Variants in ZC3H13 observed in about 807,000 individuals in gnomAD.
ZC3H13 encodes zinc finger CCCH-type containing 13.
A neutral mutation model predicts 204.1 loss-of-function variants in ZC3H13; 64 were observed. The ratio of observed to expected loss-of-function variants is 0.31; its 90% CI spans 0.26 to 0.39. ZC3H13 has a LOEUF of 0.39. Among genes scored for constraint, ZC3H13 ranks in the 10% least tolerant of loss-of-function variants. The probability of loss-of-function intolerance (pLI) is 1.00; values close to 1 mark genes in which losing one functional copy is unlikely to be tolerated. For missense variants in ZC3H13, 1,833 were observed against 2,082.7 expected, an observed-to-expected ratio of 0.88 and a Z score of 2.33; for synonymous variants, 667 against 693.7, an observed-to-expected ratio of 0.96 and a Z score of 0.60.
rs1459727068 is a variant in ZC3H13 at position 45,985,758 on chromosome 13, G to A, written c.1259C>T (p.Thr420Ile). The change falls in exon 10 of 19, where the codon ACT becomes ATT. Residue 420 changes from threonine (T) to isoleucine (I), a missense_variant. By Grantham distance (89) the Thr-to-Ile change is moderately conservative. This residue lies in a region of ZC3H13 where 1,574 missense variants were observed against 1,757.2 expected (regional missense o/e 0.90). Coordinates refer to ENST00000679008, the MANE Select transcript of ZC3H13 (RefSeq NM_001330564.2). ...HDRRHERRED[T>I]RGKRDREKDS... ...CTTTTCTCTGTCTCGTTTGCCCCTAGTATCTGTAATGCAATTTTGGAAATT... is the reference window on the plus strand; with the variant it reads ...CTTTTCTCTGTCTCGTTTGCCCCTAATATCTGTAATGCAATTTTGGAAATT... The A allele has an allele frequency of 3.8e-6, 6 of 1,591,666 alleles. No individual in the cohort carries two copies. The East Asian group carries it at 1.1e-4, about 30-fold the overall frequency.
At chr13:46,006,713 C>CATATATATATATATATATATATAT (rs71184435) in intron 7 of ZC3H13, among the ~76,000 whole-genome samples, 5,189 of 63,548 alleles carry the variant, frequency 0.082, 1,127 homozygotes, top group Non-Finnish European at 0.1. Context: ...AGTTCTTAGC[C>CATATATATATATATATATATATAT]ATATATATAT....
In ZC3H13 at chr13:45,980,017, T is replaced by G; in HGVS notation, c.1721-13A>C. 3 of 1,581,918 alleles carry G rather than the reference T, an allele frequency of 1.9e-6. No homozygotes were observed. Among genetic ancestry groups the G allele is most frequent in the Non-Finnish European group, 2.6e-6 (3 of 1,167,998 alleles). On this transcript the variant is annotated splice_polypyrimidine_tract_variant and intron_variant, in intron 10 of 18. Transcript: ENST00000679008. Reference sequence around the variant, plus strand: ...GAGCCTCGACTTCCTAAACAAAGGATAGACACACAAATGTTTACCACATAC... The same window carrying G: ...GAGCCTCGACTTCCTAAACAAAGGAGAGACACACAAATGTTTACCACATAC...
chr13:45,961,583 G>A (rs1951691719), intron 17 of ZC3H13, among the ~76,000 whole-genome samples: 1 of 137,938 alleles, frequency 7.2e-6, no homozygotes, highest in Admixed American at 7.3e-5. Context: ...TGTGGGGGTG[G>A]GGAGTTGGGG....
chr13:46,030,713 GA>G (rs373537237), intron 4 of ZC3H13, among the ~76,000 whole-genome samples: 1 of 151,926 alleles, frequency 6.6e-6, no homozygotes, highest in African/African-American at 2.4e-5. Context: ...CATCAGTATA[GA>G]AAAAAATGAA....
chr13:45,961,006 AAACACTGG>A (rs1344306078), intron 17 of ZC3H13, among the ~76,000 whole-genome samples: 1 of 152,224 alleles, frequency 6.6e-6, no homozygotes, highest in Non-Finnish European at 1.5e-5. Flanking sequence ...ACTAGTTCTC[AAACACTGG>A]AGTCTATCAG....
intron 4 of ZC3H13, among the ~76,000 whole-genome samples, chr13:46,021,063 C>A (rs1160058279): frequency 1.3e-5 from 2 of 151,922 alleles, no homozygotes; most frequent in Admixed American, 6.6e-5. Flanking sequence ...AATAACTGAT[C>A]TAGGACTTGT....
chr13:46,041,223 T>C (rs1474295353), intron 4 of ZC3H13, among the ~76,000 whole-genome samples: 2 of 152,118 alleles, frequency 1.3e-5, no homozygotes, highest in Non-Finnish European at 2.9e-5. Flanking sequence ...ATATTATCAA[T>C]ACAATGTAAT....
chr13:46,047,983 G>GCCCCCAACATCTCTACTA (rs1299936029), intron 1 of ZC3H13, among the ~76,000 whole-genome samples: 3 of 151,856 alleles, frequency 2.0e-5, no homozygotes, highest in Admixed American at 1.3e-4. Flanking sequence ...AGTTAGTTCT[G>GCCCCCAACATCTCTACTA]CCCCCAACAT....
Position 46,035,922 on chromosome 13 carries a change from T to C in ZC3H13, c.339+6242A>G, listed in dbSNP as rs78080519. Among the ~76,000 whole-genome samples, 1,299 of 152,254 alleles carry C rather than the reference T, an allele frequency of 8.5e-3. 18 individuals are homozygous for C. Among genetic ancestry groups the C allele is most frequent in the African/African-American group, 0.029 (1,219 of 41,552 alleles). ...GCTAATTCTAACAGCTACAGTATTA[T>C]CCCTTCCTCTAGAGTCAGTGCCATT... On this transcript the variant is annotated intron_variant, in intron 4 of 18. Transcript: ENST00000679008.
rs1220894472 is a variant in ZC3H13 at position 46,052,477 on chromosome 13, G to A, written c.-83C>T. ...GCCGCCGCTCCGAGGAGCGGGGGAG[G>A]CGACTCTGTCCCCGCGCCTGGACCC... On this transcript the variant is annotated 5_prime_UTR_variant, in exon 1 of 19. Transcript: ENST00000679008. 5.0e-6 allele frequency: 2 copies of A among 398,394 alleles called. No homozygotes were observed. The allele number at this position is 398,394 out of a possible 1,614,324, so 24.7% of individuals were successfully genotyped here.
In ZC3H13 at chr13:46,009,196, G is replaced by T. The variant is rs368420686; in HGVS notation, c.746+1152C>A. Among the ~76,000 whole-genome samples the T allele has an allele frequency of 8.5e-5, 13 of 152,172 alleles. No individual in the cohort carries two copies. In the East Asian group the frequency reaches 1.5e-3, roughly 18 times the overall value. On this transcript the variant is annotated intron_variant, in intron 7 of 18. Transcript: ENST00000679008. ...GATTGAAGAATTGAGATAGAAGGGG[G>T]TAGATAGGAGGAAGCTGGACAAAAA...
rs553526941 is a variant in ZC3H13, at chr13:46,027,788, C to G, written c.340-7231G>C. On this transcript the variant is annotated intron_variant, in intron 4 of 18. Coordinates refer to ENST00000679008, the MANE Select transcript of ZC3H13 (RefSeq NM_001330564.2). ...TACATTGTAAACTCTAGGGTAACCA[C>G]CAAAAAAAGTAGAAAGAAGTATAAT... is the stretch of plus-strand genomic sequence containing the variant. 1.9e-3 allele frequency among the ~76,000 whole-genome samples: 284 copies of G among 151,884 alleles called. 3 individuals carry two copies. Among genetic ancestry groups the G allele is most frequent in the South Asian group, 6.8e-3 (33 of 4,818 alleles).
chr13:45,966,148 T>C (rs1952067329), intron 15 of ZC3H13, among the ~76,000 whole-genome samples: 1 of 152,170 alleles, frequency 6.6e-6, no homozygotes, highest in Admixed American at 6.5e-5. Flanking sequence ...GTGAGTTAGT[T>C]GTGAACTTAA....
At position 45,956,457 on chromosome 13, in the gene ZC3H13, G is replaced by C. The variant is rs1445700925; in HGVS notation, c.*670C>G. Reference sequence around the variant, plus strand: ...GTAAATCTAAAACAAGGAAAGGGAAGATACATTTATTAAAAATAAAAATAG... The same window carrying C: ...GTAAATCTAAAACAAGGAAAGGGAACATACATTTATTAAAAATAAAAATAG... On this transcript the variant is annotated 3_prime_UTR_variant, in exon 19 of 19. Transcript: ENST00000679008. The C allele has an allele frequency of 6.6e-6, 1 of 151,870 alleles. No individual in the cohort carries two copies. Among genetic ancestry groups the C allele is most frequent in the Non-Finnish European group, 1.5e-5 (1 of 67,950 alleles). 9.4% of individuals were successfully genotyped at this position (151,870 alleles called of 1,614,324 possible).
chr13:45,964,612 C>T (rs1252288868), intron 16 of ZC3H13, among the ~76,000 whole-genome samples: 1 of 151,742 alleles, frequency 6.6e-6, no homozygotes, highest in Non-Finnish European at 1.5e-5. Context: ...CCTTCTACAT[C>T]AGTAGAAAAA....
At chr13:46,051,948 T>C (rs1593863613) in intron 1 of ZC3H13, 1 of 126,988 alleles carries the variant, frequency 7.9e-6, no homozygotes, top group Admixed American at 9.2e-5. Context: ...CTTGTGAAGA[T>C]AAAGTAGCAC....
intron 7 of ZC3H13, among the ~76,000 whole-genome samples, chr13:46,009,101 A>G (rs1365998394): frequency 3.3e-5 from 5 of 152,284 alleles, no homozygotes; most frequent in African/African-American, 1.2e-4. Context: ...GCAAAATCTG[A>G]TAGGTACCTA....
chr13:46,015,840 CAACTCATAGA>C (rs1201219682), intron 5 of ZC3H13, among the ~76,000 whole-genome samples: 4 of 151,862 alleles, frequency 2.6e-5, no homozygotes, highest in Admixed American at 6.6e-5. Flanking sequence ...GACTGTTCTG[CAACTCATAGA>C]GTGGGAGAAA....
chr13:46,005,964 G>A (rs1234072100), intron 7 of ZC3H13, among the ~76,000 whole-genome samples: 2 of 151,576 alleles, frequency 1.3e-5, no homozygotes, highest in African/African-American at 2.4e-5. Context: ...GTGTGGTGGC[G>A]CACGCCTGTA....
Sources: allele counts gnomAD v4.1 joint callset (sites outside exome capture counted in the v4.1 genomes callset), GRCh38; gene constraint gnomAD v4.1.1; regional missense constraint gnomAD v4.1.1; transcripts MANE v1.5; gene names NCBI Gene and HGNC (gene_info 2026-07-23, HGNC 2026-07-21).